The following CAB39 variants were observed in gnomAD, a reference collection of about 807,000 sequenced individuals.
CAB39 encodes the protein calcium-binding protein 39.
CAB39 carries 8 observed loss-of-function variants against 40.0 expected under a neutral mutation model. The observed-to-expected ratio is 0.20, with a 90% CI of 0.12 to 0.36. CAB39 has a LOEUF of 0.36. CAB39 is among the 10% of genes least tolerant of loss of function. CAB39 has a pLI of 1.00. For missense variants in CAB39, 270 were observed against 401.1 expected, an observed-to-expected ratio of 0.67 and a Z score of 2.79; for synonymous variants, 156 against 141.6, an observed-to-expected ratio of 1.10 and a Z score of -0.72.
At chr2:230,732,647 G>T (rs919637782) in intron 1 of CAB39, among the ~76,000 whole-genome samples, 2 of 152,156 alleles carry the variant, frequency 1.3e-5, no homozygotes, top group African/African-American at 4.8e-5. Flanking sequence ...ATCGCTCAAA[G>T]ATTCAGTAGG....
At chr2:230,746,283 G>GAGA (rs1440491279) in intron 1 of CAB39, among the ~76,000 whole-genome samples, 1 of 152,180 alleles carries the variant, frequency 6.6e-6, no homozygotes, top group Non-Finnish European at 1.5e-5. Context: ...ATGGGAGCTA[G>GAGA]AGAAAGGGTG....
At chr2:230,727,685 G>A (rs1694611521) in intron 1 of CAB39, among the ~76,000 whole-genome samples, 1 of 151,852 alleles carries the variant, frequency 6.6e-6, no homozygotes, top group Non-Finnish European at 1.5e-5. Context: ...AAAGTGTTGC[G>A]ATTACAGGTG....
chr2:230,782,698 T>C (rs544109581), intron 2 of CAB39, among the ~76,000 whole-genome samples: 1 of 152,156 alleles, frequency 6.6e-6, no homozygotes, highest in South Asian at 2.1e-4. Flanking sequence ...ACCCTTTAAT[T>C]GTCCATACAG....
intron 4 of CAB39, among the ~76,000 whole-genome samples, chr2:230,796,401 C>T (rs1467997760): frequency 3.3e-5 from 5 of 151,820 alleles, no homozygotes; most frequent in South Asian, 2.1e-4. Flanking sequence ...CTAGTGCTCA[C>T]AGGTTATACA....
chr2:230,794,183 C>G (rs1178677171), intron 4 of CAB39, among the ~76,000 whole-genome samples: 4 of 152,178 alleles, frequency 2.6e-5, no homozygotes, highest in Non-Finnish European at 5.9e-5. Flanking sequence ...CAGTCTGATT[C>G]ACGTCTCTGC....
At position 230,799,028 on chromosome 2, in the gene CAB39, G is replaced by C. The variant is rs535470476; in HGVS notation, c.567+131G>C. ...GAAGAGAAAGATACATTTTGTATAT[G>C]TTTGTGTGATAGAGGTATATGCAGT... is the stretch of plus-strand genomic sequence containing the variant. On this transcript the variant is annotated intron_variant, in intron 5 of 8. Coordinates refer to ENST00000258418, the MANE Select transcript of CAB39 (RefSeq NM_016289.4). 3.6e-5 allele frequency: 24 copies of C among 658,038 alleles called. No homozygotes were observed. The African/African-American group carries it at 3.8e-4, about 10-fold the overall frequency. 40.8% of individuals were successfully genotyped at this position (658,038 alleles called of 1,614,324 possible).
chr2:230,727,395 TG>T (rs1694602497), intron 1 of CAB39, among the ~76,000 whole-genome samples: 6 of 148,484 alleles, frequency 4.0e-5, no homozygotes, highest in Middle Eastern at 3.5e-3. Flanking sequence ...TGTGTGTGTG[TG>T]TGTATTTTTT....
chr2:230,789,546 A>G (rs1695856076), intron 2 of CAB39, among the ~76,000 whole-genome samples: 1 of 152,150 alleles, frequency 6.6e-6, no homozygotes, highest in Non-Finnish European at 1.5e-5. Context: ...ACTAGTGAAT[A>G]TGAGGTTTTC....
intron 5 of CAB39, among the ~76,000 whole-genome samples, chr2:230,803,461 A>C (rs1575957990): frequency 6.6e-6 from 1 of 152,368 alleles, no homozygotes; most frequent in African/African-American, 2.4e-5. Context: ...AGAGGAAGTC[A>C]AATTGTCCCT....
chr2:230,786,187 AAG>A (rs1559610542), intron 2 of CAB39, among the ~76,000 whole-genome samples: 3 of 141,006 alleles, frequency 2.1e-5, no homozygotes, highest in African/African-American at 5.7e-5. Flanking sequence ...AAAAAAAAAA[AAG>A]AGATGGAGTC....
chr2:230,749,343 A>G (rs1695044812), intron 1 of CAB39, among the ~76,000 whole-genome samples: 1 of 152,088 alleles, frequency 6.6e-6, no homozygotes, highest in South Asian at 2.1e-4. Flanking sequence ...TCCCTGGCTC[A>G]TCTTGGGTAT....
At chr2:230,735,697 T>C (rs1559592576) in intron 1 of CAB39, among the ~76,000 whole-genome samples, 1 of 151,852 alleles carries the variant, frequency 6.6e-6, no homozygotes, top group African/African-American at 2.4e-5. Flanking sequence ...AATTTTTTTA[T>C]AGAGACCAGG....
rs1306150836 is a variant in CAB39 at position 230,819,390 on chromosome 2, T to G, written c.*686T>G. Reference sequence around the variant, plus strand: ...GATATGTTGAAGGGTATTTGTTAATTTTACTTTTCAAAGATACTTTAAAAC... The same window carrying G: ...GATATGTTGAAGGGTATTTGTTAATGTTACTTTTCAAAGATACTTTAAAAC... On this transcript the variant is annotated 3_prime_UTR_variant, in exon 9 of 9. Coordinates refer to ENST00000258418, the MANE Select transcript of CAB39 (RefSeq NM_016289.4). The G allele has an allele frequency of 5.2e-5, 8 of 152,656 alleles. No homozygotes were observed. Among genetic ancestry groups the G allele is most frequent in the Non-Finnish European group, 1.0e-4 (7 of 68,034 alleles). The allele number at this position is 152,656 out of a possible 1,614,324, so 9.5% of individuals were successfully genotyped here. A position where few individuals can be genotyped will look rare whatever the true frequency, so the allele number is the denominator to read the frequency against.
chr2:230,793,531 T>A (rs1490041556), intron 4 of CAB39, among the ~76,000 whole-genome samples, 200 bp downstream of exon 4: 2 of 152,178 alleles, frequency 1.3e-5, no homozygotes, highest in African/African-American at 2.4e-5. Context: ...AGGTGGGAAT[T>A]TAAAATTAGG....
chr2:230,720,092 A>G (rs1225619742), intron 1 of CAB39, among the ~76,000 whole-genome samples: 4 of 152,234 alleles, frequency 2.6e-5, no homozygotes, highest in East Asian at 3.8e-4. Flanking sequence ...AAGTCAGTCT[A>G]TTTATTAACA....
chr2:230,779,513 T>C (rs1695651393), intron 2 of CAB39: 1 of 152,188 alleles, frequency 6.6e-6, no homozygotes, highest in Admixed American at 6.5e-5. Context: ...TTGACCATGA[T>C]CTATAAAACA....
intron 1 of CAB39, among the ~76,000 whole-genome samples, chr2:230,720,357 A>G (rs1003395210): frequency 2.0e-5 from 3 of 152,194 alleles, no homozygotes; most frequent in African/African-American, 7.2e-5. Context: ...TATCACTGGT[A>G]AGAGATAAGG....
At chr2:230,782,341 T>A (rs113947545) in intron 2 of CAB39, among the ~76,000 whole-genome samples, 2,240 of 152,204 alleles carry the variant, frequency 0.015, 55 homozygotes, top group African/African-American at 0.05. Flanking sequence ...ATTTGGTTAT[T>A]TGTTAGAAAT....
At chr2:230,781,037 G>A (rs1464375299) in intron 2 of CAB39, among the ~76,000 whole-genome samples, 5 of 151,304 alleles carry the variant, frequency 3.3e-5, no homozygotes, top group Admixed American at 2.0e-4. Flanking sequence ...AGACATAATT[G>A]CACCACGGCA....
Sources: allele counts gnomAD v4.1 joint callset (sites outside exome capture counted in the v4.1 genomes callset), GRCh38; gene constraint gnomAD v4.1.1; transcripts MANE v1.5; gene names NCBI Gene and HGNC (gene_info 2026-07-23, HGNC 2026-07-21).